FBXW7: variants seen among roughly 807,000 people sequenced by gnomAD.
The protein encoded by FBXW7 is F-box and WD repeat domain containing 7, also known as F-box/WD repeat-containing protein 7.
FBXW7 carries 11 observed loss-of-function variants against 86.3 expected under a neutral mutation model. The observed-to-expected ratio is 0.13, with a 90% CI of 0.08 to 0.21. FBXW7 has a LOEUF of 0.21. FBXW7 is among the 10% of genes least tolerant of loss of function. The pLI, the probability that FBXW7 is intolerant of heterozygous loss-of-function variation, is 1.00. For missense variants in FBXW7, 488 were observed against 847.4 expected (o/e 0.58, Z 5.27); for synonymous variants, 313 against 297.9 (o/e 1.05, Z -0.52).
At chr4:152,370,904 G>A (rs1228293811) in intron 4 of FBXW7, among the ~76,000 whole-genome samples, 2 of 151,700 alleles carry the variant, frequency 1.3e-5, no homozygotes, top group Non-Finnish European at 2.9e-5. Flanking sequence ...CACTATCAAA[G>A]TCACAAAAGA....
At chr4:152,382,259 G>GGTAGA in intron 4 of FBXW7, 1 of 1,605,252 alleles carries the variant, frequency 6.2e-7, no homozygotes, top group Non-Finnish European at 8.5e-7. Context: ...AGTTTGATGT[G>GGTAGA]GTAGAGGCTC....
rs1264460042 is a variant in FBXW7, at chr4:152,535,505, G to A, written c.-591C>T. 8 of 394,978 alleles carry A rather than the reference G, an allele frequency of 2.0e-5. No homozygotes were observed. The highest frequency in any genetic ancestry group is 3.6e-5 in the Non-Finnish European group (8 of 223,932). 24.5% of individuals were successfully genotyped at this position (394,978 alleles called of 1,614,324 possible). On this transcript the variant is annotated 5_prime_UTR_variant, in exon 1 of 14. Transcript: ENST00000281708. ...GTCCCCGCCCCCCCGGCCGGGGGGT[G>A]GTTGCCGAGCTTGGTTGGGGCCCCG...
At chr4:152,458,626 G>A (rs543687115) in intron 2 of FBXW7, among the ~76,000 whole-genome samples, 7 of 152,296 alleles carry the variant, frequency 4.6e-5, no homozygotes, top group African/African-American at 1.4e-4. Context: ...TTAAAAATGA[G>A]AGCACAGTTA....
At chr4:152,330,379 C>T (rs769841787) in intron 9 of FBXW7, among the ~76,000 whole-genome samples, 4 of 151,960 alleles carry the variant, frequency 2.6e-5, no homozygotes, top group Middle Eastern at 3.4e-3. Flanking sequence ...ATCCAAAACA[C>T]AGACACTCCT....
chr4:152,449,397 C>T (rs931640350), intron 2 of FBXW7, among the ~76,000 whole-genome samples: 1 of 152,080 alleles, frequency 6.6e-6, no homozygotes, highest in Non-Finnish European at 1.5e-5. Flanking sequence ...ATAAAATATA[C>T]AAGCAAAAAT....
At chr4:152,393,991 T>C (rs1736205449) in intron 4 of FBXW7, among the ~76,000 whole-genome samples, 1 of 152,128 alleles carries the variant, frequency 6.6e-6, no homozygotes, top group African/African-American at 2.4e-5. Context: ...TTAAAGTTTA[T>C]ATGCAAGATG....
intron 2 of FBXW7, among the ~76,000 whole-genome samples, chr4:152,444,157 T>A (rs1373057710): frequency 6.6e-6 from 1 of 152,174 alleles, no homozygotes; most frequent in Non-Finnish European, 1.5e-5. Context: ...AAAACGGTAA[T>A]TTCATATGAT....
At chr4:152,511,183 G>A (rs1747928268) in intron 2 of FBXW7, among the ~76,000 whole-genome samples, 1 of 151,882 alleles carries the variant, frequency 6.6e-6, no homozygotes, top group South Asian at 2.1e-4. Flanking sequence ...CAAAAAGTTG[G>A]CGACTTCTCT....
intron 2 of FBXW7, among the ~76,000 whole-genome samples, chr4:152,437,033 G>C (rs1740444376): frequency 6.6e-6 from 1 of 152,136 alleles, no homozygotes; most frequent in Non-Finnish European, 1.5e-5. Context: ...TTCCAGTCTT[G>C]TTTTAGAAAT....
intron 4 of FBXW7, among the ~76,000 whole-genome samples, chr4:152,369,400 G>A (rs903117498): frequency 6.6e-5 from 10 of 152,096 alleles, no homozygotes; most frequent in Non-Finnish European, 1.3e-4. Flanking sequence ...CTCCACGAGG[G>A]TGATGGCTGG....
At chr4:152,387,181 AG>A (rs1253895088) in intron 4 of FBXW7, among the ~76,000 whole-genome samples, 1 of 152,222 alleles carries the variant, frequency 6.6e-6, no homozygotes, top group African/African-American at 2.4e-5. Context: ...AAACTTTCAC[AG>A]GAATAATATC....
intron 2 of FBXW7, among the ~76,000 whole-genome samples, chr4:152,455,573 T>C (rs1348192629): frequency 6.6e-6 from 1 of 152,228 alleles, no homozygotes; most frequent in Non-Finnish European, 1.5e-5. Flanking sequence ...TTCTCCATTA[T>C]GTTCCTCAAA....
At chr4:152,325,725 A>C in intron 12 of FBXW7, 1 of 343,486 alleles carries the variant, frequency 2.9e-6, no homozygotes, top group Non-Finnish European at 5.4e-6. Context: ...AGACTATTTA[A>C]CCATTAATTA....
chr4:152,352,498 T>C (rs2126661007), intron 4 of FBXW7: 1 of 1,613,934 alleles, frequency 6.2e-7, no homozygotes, highest in Non-Finnish European at 8.5e-7. Context: ...TAATGTGCCG[T>C]AGAAACCCAT....
chr4:152,535,269 C>T lies in FBXW7; in HGVS notation c.-355G>A, dbSNP rs536076366. Reference sequence around the variant, plus strand: ...TGGGTGGAGGCTGCGGCCGGCCCCCCGGGTCCCCCCCGGCCCCGCCGCCCT... The same window carrying T: ...TGGGTGGAGGCTGCGGCCGGCCCCCTGGGTCCCCCCCGGCCCCGCCGCCCT... On this transcript the variant is annotated 5_prime_UTR_variant, in exon 1 of 14. Coordinates refer to ENST00000281708, the MANE Select transcript of FBXW7 (RefSeq NM_001349798.2). The T allele has an allele frequency of 3.8e-6, 1 of 266,456 alleles. No homozygotes were observed. The highest frequency in any genetic ancestry group is 1.7e-4 in the South Asian group (1 of 5,884). 16.5% of individuals were successfully genotyped at this position (266,456 alleles called of 1,614,324 possible).
chr4:152,440,261 C>T (rs575630335), intron 2 of FBXW7, among the ~76,000 whole-genome samples: 1 of 152,216 alleles, frequency 6.6e-6, no homozygotes, highest in Admixed American at 6.5e-5. Context: ...ATTAGAATGA[C>T]AAATTCTTCC....
chr4:152,474,751 C>T (rs1744245981), intron 2 of FBXW7, among the ~76,000 whole-genome samples: 1 of 152,114 alleles, frequency 6.6e-6, no homozygotes, highest in African/African-American at 2.4e-5. Flanking sequence ...CTGCAACCTC[C>T]ACCTCCCAGG....
At chr4:152,352,689 G>A (rs2126663948) in intron 4 of FBXW7, 1 of 1,613,812 alleles carries the variant, frequency 6.2e-7, no homozygotes. Context: ...CACAGTAAAG[G>A]CAAATGCAGC....
chr4:152,463,949 A>G (rs1560930151), intron 2 of FBXW7, among the ~76,000 whole-genome samples: 2 of 152,234 alleles, frequency 1.3e-5, no homozygotes, highest in Non-Finnish European at 2.9e-5. Flanking sequence ...ACAGAAGACA[A>G]AGGAGAAGTG....
Sources: gnomAD v4.1 joint callset for allele counts (sites outside exome capture counted in the v4.1 genomes callset) on GRCh38, gnomAD v4.1.1 for gene constraint, MANE v1.5 for transcripts, NCBI Gene and HGNC (gene_info 2026-07-23, HGNC 2026-07-21) for gene names.